The following MTMR3 variants were observed in gnomAD, a reference collection of about 807,000 sequenced individuals.
MTMR3 encodes phosphatidylinositol-3,5-bisphosphate 3-phosphatase MTMR3.
In MTMR3, 32 loss-of-function variants were observed where a neutral mutation model predicts 132.4. The observed-to-expected ratio is 0.24, with a 90% CI of 0.18 to 0.32. The LOEUF (loss-of-function observed/expected upper bound fraction) is 0.32, where lower values mean the gene tolerates loss of function less well. Ranked by LOEUF, MTMR3 falls within the 10% of genes least tolerant of loss-of-function variation. MTMR3 has a pLI of 1.00. For synonymous variants in MTMR3, 556 were observed against 550.3 expected, an observed-to-expected ratio of 1.01 and a Z score of -0.14; for missense variants, 1,216 against 1,489.6, an observed-to-expected ratio of 0.82 and a Z score of 3.02.
intron 1 of MTMR3, among the ~76,000 whole-genome samples, chr22:29,925,357 T>C (rs2065494509): frequency 1.3e-5 from 2 of 152,182 alleles, no homozygotes; most frequent in South Asian, 4.1e-4. Flanking sequence ...TCAGTGTTAA[T>C]TTGTGTGTGC....
intron 1 of MTMR3, among the ~76,000 whole-genome samples, chr22:29,907,075 TCAAA>T (rs966247357): frequency 6.6e-6 from 1 of 151,598 alleles, no homozygotes; most frequent in African/African-American, 2.4e-5. Flanking sequence ...AGACTCGGTC[TCAAA>T]CAAACAAAAT....
intron 3 of MTMR3, among the ~76,000 whole-genome samples, chr22:29,977,686 A>G (rs1340779489): frequency 6.6e-6 from 1 of 152,220 alleles, no homozygotes; most frequent in Non-Finnish European, 1.5e-5. Flanking sequence ...TAATTCATAG[A>G]TAGTCCTGTT....
intron 1 of MTMR3, among the ~76,000 whole-genome samples, chr22:29,935,943 G>A (rs112780368): frequency 0.043 from 6,590 of 151,876 alleles, 482 homozygotes; most frequent in African/African-American, 0.15. Flanking sequence ...TAGTAGAGAC[G>A]GGGTTTCACC....
chr22:29,960,517 CTG>C (rs1420089610), intron 2 of MTMR3, among the ~76,000 whole-genome samples: 1 of 152,200 alleles, frequency 6.6e-6, no homozygotes, highest in East Asian at 1.9e-4. Flanking sequence ...TCCAAATTCT[CTG>C]TAATGAAACA....
chr22:29,895,992 C>T (rs2064887196), intron 1 of MTMR3, among the ~76,000 whole-genome samples: 1 of 152,158 alleles, frequency 6.6e-6, no homozygotes, highest in Non-Finnish European at 1.5e-5. Context: ...TCGGTCAGCT[C>T]ATGAGGCACC....
At position 30,025,876 on chromosome 22, in the gene MTMR3, AG is replaced by A; in HGVS notation, c.*77del. 6.6e-7 allele frequency: 1 copy of A among 1,514,374 alleles called. No individual in the cohort carries two copies. Among genetic ancestry groups the A allele is most frequent in the Non-Finnish European group, 9.1e-7 (1 of 1,095,880 alleles). The allele number at this position is 1,514,374 out of a possible 1,614,324, so 93.8% of individuals were successfully genotyped here. A position where few individuals can be genotyped will look rare whatever the true frequency, so the allele number is the denominator to read the frequency against. ...GCCCACTCAACCTGGGCAGACCGAG[AG>A]GCCCGTGCACTTTGGAATGGGAGCG... On this transcript the variant is annotated 3_prime_UTR_variant, in exon 20 of 20. Coordinates refer to ENST00000401950, the MANE Select transcript of MTMR3 (RefSeq NM_021090.4).
chr22:30,021,493 C>G (rs890182544), intron 17 of MTMR3: 6 of 159,010 alleles, frequency 3.8e-5, no homozygotes, highest in African/African-American at 1.4e-4. Context: ...TCTGGGTGGA[C>G]TTGACTCAGG....
chr22:29,896,946 GTCTC>G (rs759643050), intron 1 of MTMR3, among the ~76,000 whole-genome samples: 4 of 147,062 alleles, frequency 2.7e-5, no homozygotes, highest in Non-Finnish European at 4.5e-5. Flanking sequence ...AAGCCTGTCT[GTCTC>G]TGAATTCCAC....
intron 1 of MTMR3, among the ~76,000 whole-genome samples, chr22:29,941,978 A>G (rs1359421948): frequency 6.6e-6 from 1 of 152,110 alleles, no homozygotes; most frequent in African/African-American, 2.4e-5. Context: ...GTGAGATGCC[A>G]TCTCTTAAAA....
chr22:30,021,881 G>A (rs1344438672), intron 17 of MTMR3, 148 bp from the exon 18 acceptor site: 5 of 645,632 alleles, frequency 7.7e-6, no homozygotes, highest in African/African-American at 1.8e-5. Flanking sequence ...CTTCACCCCA[G>A]TTCTTGATGG....
At chr22:29,910,407 G>T (rs888336080) in intron 1 of MTMR3, among the ~76,000 whole-genome samples, 2 of 152,142 alleles carry the variant, frequency 1.3e-5, no homozygotes, top group Admixed American at 6.5e-5. Flanking sequence ...TTAACACTCA[G>T]TTGTTTCAGA....
At chr22:29,937,163 A>C (rs557270741) in intron 1 of MTMR3, among the ~76,000 whole-genome samples, 1 of 152,046 alleles carries the variant, frequency 6.6e-6, no homozygotes, top group East Asian at 1.9e-4. Flanking sequence ...TTTGTCTTGT[A>C]CTTACTTGGA....
chr22:29,926,512 A>C (rs940424236), intron 1 of MTMR3, among the ~76,000 whole-genome samples: 3 of 152,186 alleles, frequency 2.0e-5, no homozygotes, highest in African/African-American at 7.2e-5. Context: ...ATCAGCAATT[A>C]TTAGGATTTT....
intron 1 of MTMR3, among the ~76,000 whole-genome samples, chr22:29,896,690 A>G (rs2064902934): frequency 6.6e-6 from 1 of 152,182 alleles, no homozygotes; most frequent in Non-Finnish European, 1.5e-5. Context: ...CGTTATTAGC[A>G]AGAAAAGGCA....
Position 29,920,192 on chromosome 22 carries a change from C to T in MTMR3, c.-138+36833C>T, listed in dbSNP as rs1356182829. 6.7e-5 allele frequency among the ~76,000 whole-genome samples: 10 copies of T among 149,154 alleles called. No homozygotes were observed. In the East Asian group the frequency reaches 9.9e-4, roughly 15 times the overall value. On this transcript the variant is annotated intron_variant, in intron 1 of 19. Transcript: ENST00000401950. ...TCGCGCCACTGCACTGCAGCCTGGG[C>T]GACAGAGCAAGACTCTGTCTCAAAA... is the stretch of plus-strand genomic sequence containing the variant.
At chr22:29,899,837 T>C (rs1043076798) in intron 1 of MTMR3, 4 of 152,222 alleles carry the variant, frequency 2.6e-5, no homozygotes, top group Admixed American at 6.5e-5. Context: ...CTTGATTTCA[T>C]GGTTGTGTTC....
chr22:29,951,722 A>G (rs989171745), intron 1 of MTMR3, among the ~76,000 whole-genome samples: 5 of 152,174 alleles, frequency 3.3e-5, no homozygotes, highest in African/African-American at 1.2e-4. Context: ...TAAAAAGGTC[A>G]ATTTATGTAA....
rs558994468 is a variant in MTMR3 at position 29,941,878 on chromosome 22, A to T, written c.-137-15158A>T. On this transcript the variant is annotated intron_variant, in intron 1 of 19. Transcript: ENST00000401950. Reference sequence around the variant, plus strand: ...GTGCCTGTAATCCTGGCTACTTGGGAGGCCATGGTAGGAAGATCCCTTGAG... The same window carrying T: ...GTGCCTGTAATCCTGGCTACTTGGGTGGCCATGGTAGGAAGATCCCTTGAG... Among the ~76,000 whole-genome samples the T allele has an allele frequency of 9.8e-4, 149 of 152,292 alleles. 1 individual carries two copies. The highest frequency in any genetic ancestry group is 3.5e-3 in the African/African-American group (145 of 41,568).
intron 11 of MTMR3, 47 bp from the exon 12 acceptor site, chr22:30,008,971 C>A: frequency 7.3e-7 from 1 of 1,368,544 alleles, no homozygotes; most frequent in Non-Finnish European, 1.0e-6. Flanking sequence ...GCCATGTGGG[C>A]TTTAAGTTCA....
Sources: allele counts gnomAD v4.1 joint callset (sites outside exome capture counted in the v4.1 genomes callset), GRCh38; gene constraint gnomAD v4.1.1; transcripts MANE v1.5; gene names NCBI Gene and HGNC (gene_info 2026-07-23, HGNC 2026-07-21).